The following WWP1 variants were observed in gnomAD, a reference collection of about 807,000 sequenced individuals.
WWP1 encodes the protein WW domain containing E3 ubiquitin protein ligase 1.
A neutral mutation model predicts 130.6 loss-of-function variants in WWP1; 49 were observed. The ratio of observed to expected loss-of-function variants is 0.38; its 90% CI spans 0.30 to 0.48. The LOEUF (loss-of-function observed/expected upper bound fraction) is 0.48, where lower values mean the gene tolerates loss of function less well. WWP1 is among the 20% of genes least tolerant of loss of function. The pLI is 0.99. For synonymous variants in WWP1, 332 were observed against 367.8 expected (o/e 0.90, Z 1.11); for missense variants, 809 against 1,100.6 (o/e 0.74, Z 3.75).
intron 7 of WWP1, 100 bp downstream of exon 7, chr8:86,398,738 GT>G: frequency 2.3e-6 from 3 of 1,277,584 alleles, no homozygotes; most frequent in South Asian, 1.3e-5. Flanking sequence ...TTGCCACACA[GT>G]TTAGAAGCTT....
chr8:86,422,435 C>G (rs1461439049), intron 9 of WWP1, among the ~76,000 whole-genome samples: 3 of 151,746 alleles, frequency 2.0e-5, no homozygotes, highest in African/African-American at 7.3e-5. Context: ...TCTTGGCTCA[C>G]TGCAACCTCT....
At chr8:86,368,375 A>G (rs537999385) in intron 1 of WWP1, among the ~76,000 whole-genome samples, 6 of 152,240 alleles carry the variant, frequency 3.9e-5, no homozygotes, top group Admixed American at 2.0e-4. Context: ...CACTCAGACA[A>G]TGAAGTGGGA....
chr8:86,438,136 A>C (rs1198599535), intron 16 of WWP1, among the ~76,000 whole-genome samples: 1 of 152,232 alleles, frequency 6.6e-6, no homozygotes, highest in Non-Finnish European at 1.5e-5. Flanking sequence ...AAGCTAGAGA[A>C]AAGAAAATTT....
chr8:86,417,773 A>G (rs1808971377), intron 9 of WWP1, among the ~76,000 whole-genome samples: 1 of 152,212 alleles, frequency 6.6e-6, no homozygotes, highest in Admixed American at 6.5e-5. Context: ...TCATATAGAA[A>G]TATTAATAGT....
At chr8:86,434,212 A>G (rs1810156066) in intron 14 of WWP1, among the ~76,000 whole-genome samples, 1 of 152,218 alleles carries the variant, frequency 6.6e-6, no homozygotes, top group African/African-American at 2.4e-5. Context: ...TATTTGCACA[A>G]AACCCTTCAG....
chr8:86,384,691 T>C (rs1376581834), intron 5 of WWP1, among the ~76,000 whole-genome samples: 1 of 152,072 alleles, frequency 6.6e-6, no homozygotes, highest in Admixed American at 6.6e-5. Context: ...GGGGTTATTG[T>C]ATATTTACCT....
chr8:86,425,104 G>T (rs1161614204), intron 9 of WWP1, 119 bp from the exon 10 acceptor site: 1 of 630,252 alleles, frequency 1.6e-6, no homozygotes, highest in East Asian at 2.8e-5. Flanking sequence ...ATAGCTGTGT[G>T]TGTGTATAGT....
intron 21 of WWP1, among the ~76,000 whole-genome samples, chr8:86,457,571 CTATA>C (rs550243788): frequency 1.6e-3 from 237 of 151,198 alleles, no homozygotes; most frequent in African/African-American, 5.3e-3. Context: ...AGATATAAAT[CTATA>C]TATATAGATG....
chr8:86,391,904 TCA>T (rs1327399367), intron 5 of WWP1, among the ~76,000 whole-genome samples: 1 of 152,108 alleles, frequency 6.6e-6, no homozygotes, highest in Admixed American at 6.5e-5. Flanking sequence ...AGAAAGACAC[TCA>T]CATGTTATAG....
intron 9 of WWP1, among the ~76,000 whole-genome samples, chr8:86,418,416 A>G (rs922203401): frequency 2.6e-5 from 4 of 152,124 alleles, no homozygotes; most frequent in East Asian, 1.9e-4. Flanking sequence ...CAGGAAGTGC[A>G]TTAGCTGGGT....
At chr8:86,379,150 A>G (rs1486507422) in intron 3 of WWP1, among the ~76,000 whole-genome samples, 1 of 152,200 alleles carries the variant, frequency 6.6e-6, no homozygotes, top group South Asian at 2.1e-4. Context: ...CTTTTATTCA[A>G]AGAATCTTGG....
intron 2 of WWP1, among the ~76,000 whole-genome samples, chr8:86,371,448 G>T (rs1387101588): frequency 6.6e-6 from 1 of 152,058 alleles, no homozygotes; most frequent in Admixed American, 6.6e-5. Context: ...ATCTGAAAAC[G>T]CCTACCAGCG....
intron 9 of WWP1, among the ~76,000 whole-genome samples, chr8:86,413,482 T>C (rs1417306292): frequency 6.6e-6 from 1 of 152,180 alleles, no homozygotes; most frequent in Non-Finnish European, 1.5e-5. Context: ...AAGGAATACA[T>C]GCAGAGAAGG....
intron 11 of WWP1, among the ~76,000 whole-genome samples, chr8:86,430,457 A>AT (rs1809875602): frequency 5.3e-5 from 8 of 151,474 alleles, no homozygotes; most frequent in South Asian, 2.1e-4. Context: ...ATTAAAAAAA[A>AT]ATTTTTTTTT....
rs1274760054 is a variant in WWP1, at chr8:86,461,771, T to C, written c.2597-3T>C. Reference sequence around the variant, plus strand: ...TAAACTTTGTCTTATTTTCTTGGTGTAGGAAGTAATGGGCCTCAAAAGTTT... The same window carrying C: ...TAAACTTTGTCTTATTTTCTTGGTGCAGGAAGTAATGGGCCTCAAAAGTTT... On this transcript the variant is annotated splice_region_variant and splice_polypyrimidine_tract_variant and intron_variant, in intron 23 of 24. Coordinates refer to ENST00000517970, the MANE Select transcript of WWP1 (RefSeq NM_007013.4). 1.2e-6 allele frequency: 2 copies of C among 1,613,436 alleles called. No individual in the cohort carries two copies. Among genetic ancestry groups the C allele is most frequent in the Non-Finnish European group, 1.7e-6 (2 of 1,179,668 alleles).
chr8:86,381,526 AT>A lies in WWP1; in HGVS notation c.233del (p.Leu78TrpfsTer11). 1 of 1,609,278 alleles carries A rather than the reference AT, an allele frequency of 6.2e-7. No individual in the cohort carries two copies. Among genetic ancestry groups the A allele is most frequent in the Non-Finnish European group, 8.5e-7 (1 of 1,179,026 alleles). ...CCAGAAATGTTACGCCACAGACTAC[AT>A]TGGAATTTCAAGTTTGGAGCCATCG... ...LTVNVTPQTT[L>X]EFQVWSHRTL... On this transcript the variant is annotated frameshift_variant, in exon 5 of 25. Coordinates refer to ENST00000517970, the MANE Select transcript of WWP1 (RefSeq NM_007013.4). LOFTEE classifies it high-confidence loss of function.
chr8:86,456,703 T>C (rs1192652656), intron 21 of WWP1, among the ~76,000 whole-genome samples: 1 of 151,960 alleles, frequency 6.6e-6, no homozygotes, highest in Non-Finnish European at 1.5e-5. Flanking sequence ...ACCTAAATGT[T>C]CATTAACAAG....
At chr8:86,400,096 C>T (rs542898754) in intron 7 of WWP1, among the ~76,000 whole-genome samples, 9 of 152,002 alleles carry the variant, frequency 5.9e-5, no homozygotes, top group South Asian at 2.1e-4. Context: ...TTTGGGAGGC[C>T]GAAGCGGGCA....
intron 5 of WWP1, among the ~76,000 whole-genome samples, chr8:86,386,257 A>G (rs564309670): frequency 1.5e-4 from 23 of 152,240 alleles, no homozygotes; most frequent in African/African-American, 5.5e-4. Context: ...CATAGGTGGA[A>G]TTATTATGGA....
Sources: gnomAD v4.1 joint callset for allele counts (sites outside exome capture counted in the v4.1 genomes callset) on GRCh38, gnomAD v4.1.1 for gene constraint, MANE v1.5 for transcripts, NCBI Gene and HGNC (gene_info 2026-07-23, HGNC 2026-07-21) for gene names.